KIF26B: variants seen among roughly 807,000 people sequenced by gnomAD.
KIF26B encodes the protein kinesin-like protein KIF26B.
Under a neutral mutation model 151.2 loss-of-function variants are expected in KIF26B, and 63 were observed. The observed-to-expected ratio is 0.42, with a 90% CI of 0.34 to 0.51. The LOEUF is 0.51. KIF26B is among the 20% of genes least tolerant of loss of function. The probability of loss-of-function intolerance (pLI) is 0.07; values close to 1 mark genes in which losing one functional copy is unlikely to be tolerated. For synonymous variants in KIF26B, 1,357 were observed against 1,262.1 expected, an observed-to-expected ratio of 1.08 and a Z score of -1.59; for missense variants, 2,813 against 2,913.6, an observed-to-expected ratio of 0.97 and a Z score of 0.79.
chr1:245,625,772 C>T (rs1227569978), intron 9 of KIF26B, among the ~76,000 whole-genome samples: 1 of 149,748 alleles, frequency 6.7e-6, no homozygotes, highest in Non-Finnish European at 1.5e-5. Flanking sequence ...TTATCCCCCT[C>T]CCCCGGCACC....
intron 2 of KIF26B, among the ~76,000 whole-genome samples, chr1:245,198,202 C>G (rs1369971985): frequency 6.6e-6 from 1 of 152,152 alleles, no homozygotes; most frequent in Non-Finnish European, 1.5e-5. Flanking sequence ...TTGGGAGATT[C>G]AAATCAGGAT....
chr1:245,616,827 G>A (rs547740677), intron 9 of KIF26B, among the ~76,000 whole-genome samples: 3 of 152,126 alleles, frequency 2.0e-5, no homozygotes, highest in African/African-American at 4.8e-5. Flanking sequence ...TACGGAGATC[G>A]CACCTGTCCT....
At chr1:245,458,085 G>A (rs997852405) in intron 4 of KIF26B, among the ~76,000 whole-genome samples, 2 of 152,124 alleles carry the variant, frequency 1.3e-5, no homozygotes, top group Non-Finnish European at 1.5e-5. Context: ...CTGTCCTAAG[G>A]GTTTTATATG....
intron 2 of KIF26B, among the ~76,000 whole-genome samples, chr1:245,296,539 TG>T (rs1248166300): frequency 6.6e-6 from 1 of 152,146 alleles, no homozygotes; most frequent in Non-Finnish European, 1.5e-5. Flanking sequence ...CAGTCCTGGG[TG>T]GGGGACGTGC....
At position 245,600,592 on chromosome 1, in the gene KIF26B, C is replaced by T. The variant is rs151088581; in HGVS notation, c.1351-1985C>T. 7.4e-3 allele frequency among the ~76,000 whole-genome samples: 1,115 copies of T among 150,978 alleles called. 6 individuals carry two copies. The highest frequency in any genetic ancestry group is 0.031 in the Middle Eastern group (9 of 294). On this transcript the variant is annotated intron_variant, in intron 5 of 14. Transcript: ENST00000407071. ...CACCTCTGCCCACATGCTGGGCATT[C>T]AATTCCTAGATCTCTTCCTCCCTCC...
intron 2 of KIF26B, among the ~76,000 whole-genome samples, chr1:245,280,376 A>G (rs184656466): frequency 0.014 from 2,057 of 150,604 alleles, 27 homozygotes; most frequent in Non-Finnish European, 0.021. Flanking sequence ...AAAAAAAAAA[A>G]AAAAATTAGC....
chr1:245,165,316 T>A (rs928040948), intron 2 of KIF26B, among the ~76,000 whole-genome samples: 1 of 152,080 alleles, frequency 6.6e-6, no homozygotes, highest in Non-Finnish European at 1.5e-5. Flanking sequence ...TTCTCCCAGG[T>A]TTCTGGCCAG....
intron 3 of KIF26B, among the ~76,000 whole-genome samples, chr1:245,405,388 A>G (rs897430741): frequency 6.6e-6 from 1 of 152,192 alleles, no homozygotes; most frequent in African/African-American, 2.4e-5. Flanking sequence ...TTGATTCTTA[A>G]GCCATTTTTA....
chr1:245,287,494 C>CTTTTTTTTTTTTTTTTTTTTTTTTTTTTT lies in KIF26B; in HGVS notation c.466-79339_466-79338insTTTTTTTTTTTTTTTTTTTTTTTTTTTTT, dbSNP rs1157634485. On this transcript the variant is annotated intron_variant, in intron 2 of 14. Transcript: ENST00000407071. The stretch of plus-strand genomic sequence containing the variant: ...GGGTCCCTGTGTGTCTCATCTCTCT[C>CTTTTTTTTTTTTTTTTTTTTTTTTTTTTT]TCTCTTTTTTTTTTTTTTTTTTTCC... Among the ~76,000 whole-genome samples, 2 of 113,172 alleles carry CTTTTTTTTTTTTTTTTTTTTTTTTTTTTT rather than the reference C, an allele frequency of 1.8e-5. 1 individual carries two copies. The allele number at this position is 113,172 out of a possible 152,430, so 74.2% of individuals were successfully genotyped here. A position where few individuals can be genotyped will look rare whatever the true frequency, so the allele number is the denominator to read the frequency against.
At chr1:245,326,447 C>A (rs1395375895) in intron 2 of KIF26B, among the ~76,000 whole-genome samples, 1 of 152,180 alleles carries the variant, frequency 6.6e-6, no homozygotes, top group East Asian at 1.9e-4. Flanking sequence ...AGCTAGTTCC[C>A]CTGTCCTCAG....
At chr1:245,621,979 A>G (rs554713286) in intron 9 of KIF26B, among the ~76,000 whole-genome samples, 9 of 152,348 alleles carry the variant, frequency 5.9e-5, no homozygotes, top group African/African-American at 2.2e-4. Flanking sequence ...CTACATGTAC[A>G]TTATCCATTT....
intron 2 of KIF26B, among the ~76,000 whole-genome samples, chr1:245,353,204 C>T (rs1236707325): frequency 6.6e-6 from 1 of 152,128 alleles, no homozygotes; most frequent in Non-Finnish European, 1.5e-5. Flanking sequence ...GTTGGAATGA[C>T]TAGAGGCAGC....
chr1:245,588,605 T>C (rs1004851682), intron 5 of KIF26B, among the ~76,000 whole-genome samples: 4 of 152,212 alleles, frequency 2.6e-5, no homozygotes, highest in East Asian at 1.9e-4. Context: ...CTGGGACTCA[T>C]TGGAGCTAAG....
intron 5 of KIF26B, among the ~76,000 whole-genome samples, chr1:245,598,476 T>A (rs1338099596): frequency 6.6e-6 from 1 of 152,196 alleles, no homozygotes; most frequent in Non-Finnish European, 1.5e-5. Flanking sequence ...AAGAGCCTCC[T>A]ACATGTGCAC....
intron 3 of KIF26B, among the ~76,000 whole-genome samples, chr1:245,382,555 T>G (rs200627099): frequency 9.1e-6 from 1 of 109,590 alleles, no homozygotes. Context: ...GTGTGTGTGT[T>G]TTGTTTCTTG....
intron 2 of KIF26B, among the ~76,000 whole-genome samples, chr1:245,326,672 C>T (rs1671997062): frequency 6.6e-6 from 1 of 152,238 alleles, no homozygotes; most frequent in Admixed American, 6.5e-5. Context: ...GACAGCCCGG[C>T]CTCCTCCATG....
intron 4 of KIF26B, among the ~76,000 whole-genome samples, chr1:245,448,419 A>T (rs1659296902): frequency 6.6e-6 from 1 of 152,178 alleles, no homozygotes; most frequent in African/African-American, 2.4e-5. Flanking sequence ...CATGTTGGCC[A>T]GGCTGGTCTC....
chr1:245,274,733 G>A (rs1169479705), intron 2 of KIF26B, among the ~76,000 whole-genome samples: 4 of 151,996 alleles, frequency 2.6e-5, no homozygotes, highest in African/African-American at 4.8e-5. Flanking sequence ...ATAATCCTTT[G>A]GGTATATACC....
At chr1:245,255,213 C>G (rs1670510641) in intron 2 of KIF26B, among the ~76,000 whole-genome samples, 4 of 152,172 alleles carry the variant, frequency 2.6e-5, no homozygotes, top group African/African-American at 9.7e-5. Flanking sequence ...CCTGGACTTC[C>G]TAGTTTCCAG....
Sources: allele counts gnomAD v4.1 joint callset (sites outside exome capture counted in the v4.1 genomes callset), GRCh38; gene constraint gnomAD v4.1.1; transcripts MANE v1.5; gene names NCBI Gene and HGNC (gene_info 2026-07-23, HGNC 2026-07-21).